FSTL4: variants seen among roughly 807,000 people sequenced by gnomAD.
FSTL4 encodes the protein follistatin like 4, also known as follistatin-related protein 4.
In FSTL4, 28 loss-of-function variants were observed where a neutral mutation model predicts 78.2. The observed-to-expected ratio is 0.36, with a 90% CI of 0.27 to 0.49. The LOEUF (loss-of-function observed/expected upper bound fraction) is 0.49, where lower values mean the gene tolerates loss of function less well. Ranked by LOEUF, FSTL4 falls within the 20% of genes least tolerant of loss-of-function variation. The pLI, the probability that FSTL4 is intolerant of heterozygous loss-of-function variation, is 0.98. For missense variants in FSTL4, 922 were observed against 1,084.9 expected (o/e 0.85, Z 2.11); for synonymous variants, 422 against 440.5 (o/e 0.96, Z 0.53).
chr5:133,616,801 G>T (rs1761207980), upstream of FSTL4, among the ~76,000 whole-genome samples: 1 of 152,256 alleles, frequency 6.6e-6, no homozygotes, highest in South Asian at 2.1e-4. Context: ...CAACCTTCAG[G>T]GGTATAAGAT....
the FSTL4 span, among the ~76,000 whole-genome samples, chr5:133,702,651 GC>G: frequency 1.3e-5 from 2 of 152,190 alleles, no homozygotes; most frequent in Non-Finnish European, 2.9e-5. Context: ...AAGAAAGTAT[GC>G]TTTTATAGAT....
At chr5:133,819,660 T>C in the FSTL4 span, among the ~76,000 whole-genome samples, 1 of 152,248 alleles carries the variant, frequency 6.6e-6, no homozygotes, top group African/African-American at 2.4e-5. Context: ...GAAACCGGGC[T>C]GCCCACGCAT....
intron 4 of FSTL4, among the ~76,000 whole-genome samples, chr5:133,321,064 A>C (rs2126897258): frequency 6.6e-6 from 1 of 151,384 alleles, no homozygotes; most frequent in South Asian, 2.1e-4. Context: ...TCAACACCCA[A>C]GGTTCATGTC....
chr5:133,289,520 T>G (rs1263867219), intron 6 of FSTL4, among the ~76,000 whole-genome samples: 1 of 152,208 alleles, frequency 6.6e-6, no homozygotes, highest in East Asian at 1.9e-4. Context: ...AGTGGGGCCT[T>G]GGCTGCCACT....
intron 3 of FSTL4, among the ~76,000 whole-genome samples, chr5:133,526,920 G>C (rs917898258): frequency 1.3e-5 from 2 of 152,114 alleles, no homozygotes; most frequent in Admixed American, 1.3e-4. Context: ...GCTCTCCGGA[G>C]GCAGTTTCCA....
chr5:133,634,821 T>A, the FSTL4 span, among the ~76,000 whole-genome samples: 1 of 152,180 alleles, frequency 6.6e-6, no homozygotes, highest in Non-Finnish European at 1.5e-5. Flanking sequence ...CCGTTCTTTG[T>A]CTAATCTTCT....
At chr5:133,829,840 G>A in the FSTL4 span, among the ~76,000 whole-genome samples, 5 of 152,234 alleles carry the variant, frequency 3.3e-5, no homozygotes, top group South Asian at 2.1e-4. Flanking sequence ...GCTCCAGGGC[G>A]GCCGGTCAGC....
At chr5:133,829,521 C>T in the FSTL4 span, among the ~76,000 whole-genome samples, 1 of 152,220 alleles carries the variant, frequency 6.6e-6, no homozygotes, top group East Asian at 1.9e-4. Context: ...ATATTGAGCA[C>T]TTACTGTGTC....
the FSTL4 span, among the ~76,000 whole-genome samples, chr5:133,660,964 G>A: frequency 6.6e-6 from 1 of 150,444 alleles, no homozygotes; most frequent in South Asian, 2.1e-4. Context: ...TTTAGAGACA[G>A]CCAACTGTGT....
At chr5:133,748,094 T>A in the FSTL4 span, among the ~76,000 whole-genome samples, 1 of 151,754 alleles carries the variant, frequency 6.6e-6, no homozygotes, top group Non-Finnish European at 1.5e-5. Flanking sequence ...CTCGAGAGGC[T>A]GAGGCAGGAG....
chr5:133,464,392 C>T (rs937424467), intron 3 of FSTL4, among the ~76,000 whole-genome samples: 7 of 152,234 alleles, frequency 4.6e-5, no homozygotes, highest in Non-Finnish European at 8.8e-5. Flanking sequence ...CCCACCCCCA[C>T]ACCACCAAAT....
rs757109238 is a variant in FSTL4, at chr5:133,517,479, C to CACA, written c.160+49706_160+49707insTGT. 1.4e-3 allele frequency among the ~76,000 whole-genome samples: 77 copies of CACA among 55,542 alleles called. 1 individual carries two copies. The highest frequency in any genetic ancestry group is 5.4e-3 in the African/African-American group (68 of 12,536). 36.4% of individuals were successfully genotyped at this position (55,542 alleles called of 152,430 possible). On this transcript the variant is annotated intron_variant, in intron 3 of 15. Coordinates refer to ENST00000265342, the MANE Select transcript of FSTL4 (RefSeq NM_015082.2). ...ATATATATATGCACACACACACACA[C>CACA]CACACACACACACACACACACACAC...
chr5:133,358,391 T>C (rs1754986482), intron 4 of FSTL4, among the ~76,000 whole-genome samples: 2 of 152,094 alleles, frequency 1.3e-5, no homozygotes, highest in African/African-American at 2.4e-5. Flanking sequence ...ATTAGAGGAA[T>C]GACGGCCTTA....
intron 3 of FSTL4, among the ~76,000 whole-genome samples, chr5:133,558,768 T>C (rs1759851962): frequency 6.6e-6 from 1 of 152,118 alleles, no homozygotes; most frequent in Non-Finnish European, 1.5e-5. Context: ...TTTCCAACCC[T>C]GGTTGCCTGA....
chr5:133,373,919 G>A (rs1755373959), intron 4 of FSTL4, among the ~76,000 whole-genome samples: 1 of 152,138 alleles, frequency 6.6e-6, no homozygotes, highest in South Asian at 2.1e-4. Context: ...CCACCCCTCA[G>A]GAAGCATGGG....
chr5:133,743,077 C>T, the FSTL4 span, among the ~76,000 whole-genome samples: 4 of 152,136 alleles, frequency 2.6e-5, no homozygotes, highest in South Asian at 6.2e-4. Flanking sequence ...AAGAAATATA[C>T]CAGGGAAAAA....
At chr5:133,409,895 T>A (rs1201374036) in intron 3 of FSTL4, among the ~76,000 whole-genome samples, 1 of 152,196 alleles carries the variant, frequency 6.6e-6, no homozygotes, top group Non-Finnish European at 1.5e-5. Flanking sequence ...GTGTGTCTCT[T>A]TCACATGCAA....
At chr5:133,266,024 A>G (rs928995807) in intron 6 of FSTL4, among the ~76,000 whole-genome samples, 6 of 152,226 alleles carry the variant, frequency 3.9e-5, no homozygotes, top group Non-Finnish European at 7.3e-5. Context: ...GTCCGCACCC[A>G]GGCCCACATA....
rs541125837 is a variant in FSTL4, at chr5:133,235,257, A to G, written c.895-1720T>C. ...CACTTTGGGAGGCCGAGGCAGGTGGATCACTTGAGGTCAGGAGTTTGAGAC... is the reference window on the plus strand; with the variant it reads ...CACTTTGGGAGGCCGAGGCAGGTGGGTCACTTGAGGTCAGGAGTTTGAGAC... On this transcript the variant is annotated intron_variant, in intron 7 of 15. Transcript: ENST00000265342. Among the ~76,000 whole-genome samples the G allele has an allele frequency of 2.2e-4, 33 of 152,302 alleles. No individual in the cohort carries two copies. The South Asian group carries it at 6.6e-3, about 31-fold the overall frequency.
Sources: allele counts gnomAD v4.1 joint callset (sites outside exome capture counted in the v4.1 genomes callset), GRCh38; gene constraint gnomAD v4.1.1; transcripts MANE v1.5; gene names NCBI Gene and HGNC (gene_info 2026-07-23, HGNC 2026-07-21).